The following CYP7B1 variants were observed in gnomAD, a reference collection of about 807,000 sequenced individuals.
CYP7B1 encodes the protein cytochrome P450 7B1.
In CYP7B1, 29 loss-of-function variants were observed where a neutral mutation model predicts 42.7. The ratio of observed to expected loss-of-function variants is 0.68; its 90% CI spans 0.51 to 0.93. The LOEUF is 0.93. CYP7B1 is among the 40% of genes least tolerant of loss of function. CYP7B1 has a pLI of 0.00. For synonymous variants in CYP7B1, 235 were observed against 218.2 expected, an observed-to-expected ratio of 1.08 and a Z score of -0.68; for missense variants, 655 against 600.5, an observed-to-expected ratio of 1.09 and a Z score of -0.95.
intron 1 of CYP7B1, among the ~76,000 whole-genome samples, chr8:64,763,534 G>A (rs1269419118): frequency 6.6e-6 from 1 of 152,338 alleles, no homozygotes; most frequent in South Asian, 2.1e-4. Flanking sequence ...ATTCTGTCCT[G>A]TCCTTCCTTA....
intron 1 of CYP7B1, among the ~76,000 whole-genome samples, chr8:64,674,437 C>A (rs1394467708): frequency 6.6e-6 from 1 of 152,030 alleles, no homozygotes; most frequent in Non-Finnish European, 1.5e-5. Context: ...TGTGATTTGC[C>A]TTATGCCTAG....
At chr8:64,728,220 T>C (rs1271419649) in intron 1 of CYP7B1, 2 of 152,262 alleles carry the variant, frequency 1.3e-5, no homozygotes, top group African/African-American at 4.8e-5. Context: ...TTAATTATCA[T>C]GCACTGCCAG....
chr8:64,723,497 G>A (rs923380153), intron 1 of CYP7B1, among the ~76,000 whole-genome samples: 1 of 152,194 alleles, frequency 6.6e-6, no homozygotes, highest in Admixed American at 6.5e-5. Flanking sequence ...ATTCCAGTCT[G>A]TACCTAATCC....
intron 1 of CYP7B1, among the ~76,000 whole-genome samples, chr8:64,667,438 T>A (rs1806298459): frequency 6.6e-6 from 1 of 152,064 alleles, no homozygotes; most frequent in African/African-American, 2.4e-5. Flanking sequence ...CTAAAGAGGA[T>A]CCTAACAAGC....
intron 1 of CYP7B1, among the ~76,000 whole-genome samples, chr8:64,680,912 A>T (rs1363905024): frequency 6.6e-6 from 1 of 152,042 alleles, no homozygotes; most frequent in Non-Finnish European, 1.5e-5. Context: ...ACCAAATACC[A>T]CCCAGGTCCA....
chr8:64,782,178 G>T (rs1005874977), intron 1 of CYP7B1, among the ~76,000 whole-genome samples: 1 of 152,138 alleles, frequency 6.6e-6, no homozygotes, highest in African/African-American at 2.4e-5. Context: ...CCAGTGTAGG[G>T]AAAGACTGAG....
chr8:64,721,792 A>C (rs1466558887), intron 1 of CYP7B1, among the ~76,000 whole-genome samples: 1 of 152,282 alleles, frequency 6.6e-6, no homozygotes, highest in East Asian at 1.9e-4. Context: ...GATAGATAGC[A>C]AGATACACAG....
chr8:64,765,583 G>A (rs977729877), intron 1 of CYP7B1, among the ~76,000 whole-genome samples: 3 of 152,138 alleles, frequency 2.0e-5, no homozygotes, highest in African/African-American at 7.2e-5. Flanking sequence ...GTCAACAAAG[G>A]CAAGAAAAGG....
At chr8:64,687,535 T>A (rs1212652304) in intron 1 of CYP7B1, among the ~76,000 whole-genome samples, 2 of 152,204 alleles carry the variant, frequency 1.3e-5, no homozygotes, top group East Asian at 3.8e-4. Flanking sequence ...TAGTGGATTT[T>A]ATGATGTGTG....
intron 1 of CYP7B1, among the ~76,000 whole-genome samples, chr8:64,650,567 G>A (rs1487447086): frequency 1.3e-5 from 2 of 152,122 alleles, no homozygotes; most frequent in African/African-American, 4.8e-5. Context: ...AGAATCACTT[G>A]AACCCAGGAG....
intron 1 of CYP7B1, among the ~76,000 whole-genome samples, chr8:64,643,820 T>C (rs1224630567): frequency 5.9e-5 from 9 of 152,200 alleles, no homozygotes; most frequent in Admixed American, 5.9e-4. Context: ...ACTCTTTCTG[T>C]TTCTCCATAA....
chr8:64,659,732 C>T (rs1806173341), intron 1 of CYP7B1, among the ~76,000 whole-genome samples: 1 of 152,108 alleles, frequency 6.6e-6, no homozygotes. Flanking sequence ...AATATAGGAG[C>T]TCCAGCCAGT....
intron 1 of CYP7B1, among the ~76,000 whole-genome samples, chr8:64,705,417 A>G (rs913542144): frequency 2.0e-5 from 3 of 152,006 alleles, no homozygotes; most frequent in African/African-American, 7.2e-5. Context: ...AAATAAATGA[A>G]TGAATGACTG....
intron 1 of CYP7B1, among the ~76,000 whole-genome samples, chr8:64,634,033 G>A (rs1358549269): frequency 6.6e-6 from 1 of 152,172 alleles, no homozygotes; most frequent in Non-Finnish European, 1.5e-5. Context: ...GATGTTAGTA[G>A]TCATTAATCT....
At chr8:64,625,315 T>C (rs1300833362) in intron 1 of CYP7B1, among the ~76,000 whole-genome samples, 1 of 152,206 alleles carries the variant, frequency 6.6e-6, no homozygotes, top group Non-Finnish European at 1.5e-5. Flanking sequence ...TGAGCAATTT[T>C]TTGAAGGAAT....
At chr8:64,698,378 C>G (rs984369459) in intron 1 of CYP7B1, among the ~76,000 whole-genome samples, 1 of 152,096 alleles carries the variant, frequency 6.6e-6, no homozygotes, top group Non-Finnish European at 1.5e-5. Context: ...CTACTCTTTC[C>G]CCTCACTAGA....
At chr8:64,667,123 T>C (rs1806292302) in intron 1 of CYP7B1, among the ~76,000 whole-genome samples, 1 of 152,120 alleles carries the variant, frequency 6.6e-6, no homozygotes, top group Non-Finnish European at 1.5e-5. Flanking sequence ...AACAGAACTA[T>C]TTATTCTCAA....
intron 1 of CYP7B1, among the ~76,000 whole-genome samples, chr8:64,727,097 CAAGCT>C (rs1200468284): frequency 6.6e-6 from 1 of 152,158 alleles, no homozygotes; most frequent in Non-Finnish European, 1.5e-5. Context: ...AGATTCTGTC[CAAGCT>C]AAGTCAAACC....
chr8:64,702,544 A>G (rs538643982), intron 1 of CYP7B1, among the ~76,000 whole-genome samples: 4 of 152,182 alleles, frequency 2.6e-5, no homozygotes, highest in Admixed American at 2.0e-4. Context: ...CACCAGAAAC[A>G]CATTATGTAG....
Sources: gnomAD v4.1 joint callset for allele counts (sites outside exome capture counted in the v4.1 genomes callset) on GRCh38, gnomAD v4.1.1 for gene constraint, MANE v1.5 for transcripts, NCBI Gene and HGNC (gene_info 2026-07-23, HGNC 2026-07-21) for gene names.